PPP1R16A: variants seen among roughly 807,000 people sequenced by gnomAD.
PPP1R16A encodes the protein protein phosphatase 1 regulatory subunit 16A.
PPP1R16A carries 39 observed loss-of-function variants against 46.6 expected under a neutral mutation model. The ratio of observed to expected loss-of-function variants is 0.84; its 90% CI spans 0.65 to 1.09. The LOEUF is 1.09. Among genes scored for constraint, PPP1R16A ranks in the 50% least tolerant of loss-of-function variants. PPP1R16A has a pLI of 0.00. For synonymous variants in PPP1R16A, 413 were observed against 321.5 expected (o/e 1.28, Z -3.04); for missense variants, 798 against 735.6 (o/e 1.08, Z -0.98).
At chr8:144,483,772 A>G (rs1373793760) in intron 1 of PPP1R16A, among the ~76,000 whole-genome samples, 2 of 151,660 alleles carry the variant, frequency 1.3e-5, no homozygotes, top group East Asian at 3.9e-4. Context: ...GTGATTAGAG[A>G]TCACTGCAGC....
chr8:144,497,134 C>G lies in PPP1R16A; in HGVS notation c.-61C>G. 6.5e-7 allele frequency: 1 copy of G among 1,535,560 alleles called. No homozygotes were observed. The highest frequency in any genetic ancestry group is 1.2e-5 in the South Asian group (1 of 83,810). On this transcript the variant is annotated 5_prime_UTR_variant, in exon 3 of 12. Transcript: ENST00000435887. ...AGCTGCCCCACCCCTCAGGCCCAGC[C>G]TGGCCCCCAAGCTCCCCACTCTGGT... is the stretch of plus-strand genomic sequence containing the variant.
At chr8:144,483,439 T>C in intron 1 of PPP1R16A, among the ~76,000 whole-genome samples, 1 of 152,254 alleles carries the variant, frequency 6.6e-6, no homozygotes, top group Admixed American at 6.5e-5. Context: ...AGACGAAGTC[T>C]TGCTCTGTCG....
chr8:144,498,265 G>C (rs1319355720), intron 3 of PPP1R16A: 2 of 359,746 alleles, frequency 5.6e-6, no homozygotes, highest in Admixed American at 3.4e-5. Flanking sequence ...GAGAACCCTG[G>C]TGACCTGGGC....
rs147742753 is a variant in PPP1R16A at position 144,487,364 on chromosome 8, G to A, written c.-913-2670G>A. On this transcript the variant is annotated intron_variant, in intron 1 of 11. Coordinates refer to ENST00000435887, the MANE Select transcript of PPP1R16A (RefSeq NM_001329443.2). ...ACATGTGTAGGTTTATTTCTGTTTT[G>A]TTTTGGGGACAAAACAAAACAGTCA... Among the ~76,000 whole-genome samples the A allele has an allele frequency of 4.2e-4, 64 of 151,682 alleles. 1 individual carries two copies. The highest frequency in any genetic ancestry group is 3.5e-3 in the Admixed American group (53 of 15,230).
intron 1 of PPP1R16A, among the ~76,000 whole-genome samples, chr8:144,488,884 T>TG (rs1825705201): frequency 4.0e-5 from 6 of 151,562 alleles, no homozygotes; most frequent in African/African-American, 1.5e-4. Context: ...GGTTTCAGGA[T>TG]GGAGGGTGGA....
At chr8:144,479,505 G>A (rs1158029316) in intron 1 of PPP1R16A, among the ~76,000 whole-genome samples, 2 of 152,094 alleles carry the variant, frequency 1.3e-5, no homozygotes, top group African/African-American at 4.8e-5. Flanking sequence ...CTTGGACTCT[G>A]CTTTGCCCCG....
intron 1 of PPP1R16A, among the ~76,000 whole-genome samples, chr8:144,488,525 A>T (rs769772350): frequency 6.6e-6 from 1 of 152,056 alleles, no homozygotes; most frequent in Non-Finnish European, 1.5e-5. Context: ...TGTTGAATGG[A>T]GGTGACAGGC....
intron 1 of PPP1R16A, chr8:144,478,395 G>A (rs1825263389): frequency 3.0e-6 from 1 of 338,354 alleles, no homozygotes; most frequent in Non-Finnish European, 5.3e-6. Context: ...GGGCGCCCAG[G>A]GCACAGGTCC....
chr8:144,497,544 CTGT>C, intron 3 of PPP1R16A, 91 bp downstream of exon 3: 1 of 1,537,420 alleles, frequency 6.5e-7, no homozygotes, highest in Non-Finnish European at 8.9e-7. Flanking sequence ...GGGGCTGGGC[CTGT>C]CCACAGCTCC....
intron 1 of PPP1R16A, among the ~76,000 whole-genome samples, chr8:144,483,059 G>A (rs567163791): frequency 3.5e-4 from 54 of 152,338 alleles, no homozygotes; most frequent in African/African-American, 1.3e-3. Flanking sequence ...TGGAATTACA[G>A]GTGTGAGCCA....
At chr8:144,498,638 C>G in intron 3 of PPP1R16A, 132 bp from the exon 4 acceptor site, 1 of 869,082 alleles carries the variant, frequency 1.2e-6, no homozygotes, top group Non-Finnish European at 1.7e-6. Context: ...GCCCCCACCC[C>G]TGGGCTCTGG....
intron 1 of PPP1R16A, among the ~76,000 whole-genome samples, chr8:144,481,837 G>A (rs892563709): frequency 6.6e-6 from 1 of 152,016 alleles, no homozygotes; most frequent in African/African-American, 2.4e-5. Context: ...GAGTGCAGTG[G>A]CACGATCTTG....
In PPP1R16A at chr8:144,501,196, G is replaced by A; in HGVS notation, c.1105G>A (p.Ala369Thr). The change falls in exon 11 of 12, where the codon GCC becomes ACC. Residue 369 changes from alanine (A) to threonine (T), a missense_variant. Coordinates refer to ENST00000435887, the MANE Select transcript of PPP1R16A (RefSeq NM_001329443.2). ...GTACCGCAAGCAGCACGCCCAGGAG[G>A]CCATCGTGTGGCAACAGCCGCCGCC... ...DLYRKQHAQE[A>T]IVWQQPPPTS... 1 of 1,609,772 alleles carries A rather than the reference G, an allele frequency of 6.2e-7. No homozygotes were observed. Among genetic ancestry groups the A allele is most frequent in the Non-Finnish European group, 8.5e-7 (1 of 1,179,630 alleles).
intron 3 of PPP1R16A, chr8:144,497,949 G>T (rs1288309727): frequency 2.3e-6 from 1 of 436,646 alleles, no homozygotes; most frequent in Non-Finnish European, 4.7e-6. Flanking sequence ...CCTGCCCTAG[G>T]CTCTGCTTGT....
rs1256374754 is a variant in PPP1R16A at position 144,501,858 on chromosome 8, G to A, written c.1542G>A (p.Ala514=). 37 of 1,546,098 alleles carry A rather than the reference G, an allele frequency of 2.4e-5. No homozygotes were observed. Among genetic ancestry groups the A allele is most frequent in the Admixed American group, 1.2e-4 (6 of 51,438 alleles). ...CCCTGCTCAAGCTCACAGCCCCGGC[G>A]GTGGAGGCTCCCGTGGAGAGGAGGC... is the stretch of plus-strand genomic sequence containing the variant. ...DPPLLKLTAP[A]VEAPVERRPC... is the part of the protein sequence containing the mutation. Residue 514 remains alanine (A), a synonymous_variant, in exon 12 of 12, where the codon GCG becomes GCA. Transcript: ENST00000435887.
At chr8:144,482,275 G>A (rs1825464523) in intron 1 of PPP1R16A, among the ~76,000 whole-genome samples, 1 of 152,102 alleles carries the variant, frequency 6.6e-6, no homozygotes. Context: ...GTTTCTCCAT[G>A]TTGGCCAGAC....
rs1040042556 is a variant in PPP1R16A, at chr8:144,478,118, G to A, written c.-923G>A. 2.0e-5 allele frequency: 8 copies of A among 395,406 alleles called. No individual in the cohort carries two copies. The highest frequency in any genetic ancestry group is 3.6e-5 in the East Asian group (1 of 27,896). The allele number at this position is 395,406 out of a possible 1,614,324, so 24.5% of individuals were successfully genotyped here. On this transcript the variant is annotated 5_prime_UTR_variant, in exon 1 of 12. Transcript: ENST00000435887. ...GACCCACTTGTGCGGCGGTCGGCGC[G>A]GGGCGCGAGGTGAGGCGCGGACTCC... is the stretch of plus-strand genomic sequence containing the variant.
At chr8:144,500,806 G>T in intron 9 of PPP1R16A, 36 bp from the exon 10 acceptor site, 1 of 1,600,852 alleles carries the variant, frequency 6.2e-7, no homozygotes, top group East Asian at 2.3e-5. Context: ...AGGACAGGCG[G>T]GGAGGGCGCC....
intron 1 of PPP1R16A, among the ~76,000 whole-genome samples, chr8:144,486,080 T>C (rs548576702): frequency 3.3e-5 from 5 of 152,308 alleles, no homozygotes; most frequent in East Asian, 3.9e-4. Context: ...TTTGGTTTTT[T>C]CCCCCAGTTT....
Sources: gnomAD v4.1 joint callset for allele counts (sites outside exome capture counted in the v4.1 genomes callset) on GRCh38, gnomAD v4.1.1 for gene constraint, MANE v1.5 for transcripts, NCBI Gene and HGNC (gene_info 2026-07-23, HGNC 2026-07-21) for gene names.